Variants in CALN1 observed in about 807,000 individuals in gnomAD.
CALN1 encodes calcium-binding protein 8.
Under a neutral mutation model 30.6 loss-of-function variants are expected in CALN1, and 17 were observed. The observed-to-expected ratio is 0.56, with a 90% CI of 0.38 to 0.83. The LOEUF (loss-of-function observed/expected upper bound fraction) is 0.83. Among genes scored for constraint, CALN1 ranks in the 40% least tolerant of loss-of-function variants. CALN1 has a pLI of 0.00. For missense variants in CALN1, 291 were observed against 354.9 expected, an observed-to-expected ratio of 0.82 and a Z score of 1.45; for synonymous variants, 156 against 131.4, an observed-to-expected ratio of 1.19 and a Z score of -1.28.
At chr7:72,432,573 C>G (rs1055934160) in intron 1 of CALN1, among the ~76,000 whole-genome samples, 1 of 152,202 alleles carries the variant, frequency 6.6e-6, no homozygotes, top group African/African-American at 2.4e-5. Flanking sequence ...TGTCTCCTAA[C>G]CTCATTCCTG....
At chr7:71,987,791 G>C (rs112100021) in intron 5 of CALN1, among the ~76,000 whole-genome samples, 228 of 152,282 alleles carry the variant, frequency 1.5e-3, no homozygotes, top group Middle Eastern at 0.01. Context: ...TAGCAGGCTC[G>C]TCTCTTTTTT....
At chr7:71,918,133 G>A (rs1008208093) in intron 5 of CALN1, among the ~76,000 whole-genome samples, 1 of 152,162 alleles carries the variant, frequency 6.6e-6, no homozygotes, top group African/African-American at 2.4e-5. Flanking sequence ...GCACAACTGA[G>A]TGCTATGTAA....
At chr7:72,398,860 C>T (rs926166145) in intron 2 of CALN1, among the ~76,000 whole-genome samples, 2 of 152,164 alleles carry the variant, frequency 1.3e-5, no homozygotes, top group Non-Finnish European at 2.9e-5. Flanking sequence ...TAAACACCAT[C>T]GATCACACCC....
intron 2 of CALN1, among the ~76,000 whole-genome samples, chr7:72,321,456 T>C (rs1057305751): frequency 1.3e-5 from 2 of 152,126 alleles, no homozygotes; most frequent in Admixed American, 1.3e-4. Context: ...AATCTATAGG[T>C]TACAAGTGTT....
rs1792710684 is a variant in CALN1 at position 71,781,478 on chromosome 7, A to G, written c.*6297T>C. ...GTGGATCAGACTGATGGGCAGCCCC[A>G]TGGCACTCAATGGCCTGCATGTTTC... On this transcript the variant is annotated 3_prime_UTR_variant, in exon 7 of 7. Transcript: ENST00000395275. 3.9e-5 allele frequency: 6 copies of G among 152,154 alleles called. No individual in the cohort carries two copies. The South Asian group carries it at 1.2e-3, about 32-fold the overall frequency. The allele number at this position is 152,154 out of a possible 1,614,324, so 9.4% of individuals were successfully genotyped here. A position where few individuals can be genotyped will look rare whatever the true frequency, so the allele number is the denominator to read the frequency against.
chr7:72,103,727 C>G (rs1030894930), intron 4 of CALN1, among the ~76,000 whole-genome samples: 18 of 151,688 alleles, frequency 1.2e-4, no homozygotes, highest in South Asian at 6.3e-4. Context: ...AGCTGCAGGT[C>G]ATTTCTCTGA....
intron 2 of CALN1, chr7:72,337,463 A>G (rs1237695093): frequency 1.1e-5 from 2 of 183,042 alleles, no homozygotes; most frequent in Non-Finnish European, 2.1e-5. Flanking sequence ...CACGGCACAC[A>G]CAGGCAGACA....
At chr7:71,788,025 G>A in intron 6 of CALN1, 123 bp from the exon 7 acceptor site, 1 of 1,294,348 alleles carries the variant, frequency 7.7e-7, no homozygotes, top group Admixed American at 2.0e-5. Flanking sequence ...AGTCCTATAG[G>A]ATGAGACTGG....
At chr7:72,060,751 A>G (rs1803590475) in intron 4 of CALN1, among the ~76,000 whole-genome samples, 1 of 152,028 alleles carries the variant, frequency 6.6e-6, no homozygotes, top group African/African-American at 2.4e-5. Flanking sequence ...GCTGTTTAGA[A>G]GAGTCTGGGA....
chr7:72,077,596 T>C (rs1804837532), intron 4 of CALN1, among the ~76,000 whole-genome samples: 1 of 152,154 alleles, frequency 6.6e-6, no homozygotes, highest in African/African-American at 2.4e-5. Context: ...TTTTATTCTC[T>C]TCCTTTTCCC....
chr7:72,368,997 T>A (rs1804050886), intron 2 of CALN1, among the ~76,000 whole-genome samples: 1 of 151,676 alleles, frequency 6.6e-6, no homozygotes, highest in African/African-American at 2.4e-5. Context: ...GTATTTTTAG[T>A]AGAAACGGGG....
At chr7:71,918,039 C>T (rs913991052) in intron 5 of CALN1, among the ~76,000 whole-genome samples, 2 of 152,146 alleles carry the variant, frequency 1.3e-5, no homozygotes, top group Non-Finnish European at 2.9e-5. Flanking sequence ...TTATTTTCCT[C>T]CAGTTTCCTC....
At chr7:72,304,220 T>C (rs1000933907) in intron 2 of CALN1, among the ~76,000 whole-genome samples, 2 of 152,148 alleles carry the variant, frequency 1.3e-5, no homozygotes, top group Non-Finnish European at 1.5e-5. Flanking sequence ...CAATTCAGAT[T>C]GGAAAAATAA....
At chr7:72,040,775 C>T (rs1563001753) in intron 4 of CALN1, among the ~76,000 whole-genome samples, 1 of 152,096 alleles carries the variant, frequency 6.6e-6, no homozygotes, top group Non-Finnish European at 1.5e-5. Context: ...GGTTGGGCTT[C>T]CAGCCTTCAG....
At chr7:72,308,624 C>A (rs1160743712) in intron 2 of CALN1, among the ~76,000 whole-genome samples, 1 of 152,090 alleles carries the variant, frequency 6.6e-6, no homozygotes, top group Non-Finnish European at 1.5e-5. Context: ...AATGATGAGT[C>A]CCCCAGAGCT....
At chr7:72,323,676 A>T (rs968381278) in intron 2 of CALN1, among the ~76,000 whole-genome samples, 2 of 98,864 alleles carry the variant, frequency 2.0e-5, no homozygotes, top group African/African-American at 6.1e-5. Flanking sequence ...AAAAAAAAAT[A>T]AAAAATAAAG....
chr7:72,478,295 A>C, the CALN1 span, among the ~76,000 whole-genome samples: 5 of 144,406 alleles, frequency 3.5e-5, no homozygotes, highest in African/African-American at 1.3e-4. Flanking sequence ...ACTTTATATA[A>C]ATAGTTATAT....
At chr7:72,498,613 C>T in the CALN1 span, among the ~76,000 whole-genome samples, 37 of 152,260 alleles carry the variant, frequency 2.4e-4, no homozygotes, top group African/African-American at 7.9e-4. Flanking sequence ...GAAAACAAGA[C>T]ATTTTTAGAT....
chr7:71,887,274 G>A (rs2116858376), intron 5 of CALN1, among the ~76,000 whole-genome samples: 1 of 152,186 alleles, frequency 6.6e-6, no homozygotes, highest in East Asian at 1.9e-4. Flanking sequence ...ACCACGGATG[G>A]TTTTAGCTGG....
Sources: allele counts gnomAD v4.1 joint callset (sites outside exome capture counted in the v4.1 genomes callset), GRCh38; gene constraint gnomAD v4.1.1; transcripts MANE v1.5; gene names NCBI Gene and HGNC (gene_info 2026-07-23, HGNC 2026-07-21).